AMH: variants seen among roughly 807,000 people sequenced by gnomAD.
AMH encodes anti-Muellerian hormone.
A neutral mutation model predicts 33.3 loss-of-function variants in AMH; 39 were observed. That is an observed-to-expected ratio of 1.17 (90% CI 0.91 to 1.53). The LOEUF is 1.53. AMH is among the 40% of genes most tolerant of loss of function. The pLI is 0.00. For synonymous variants in AMH, 536 were observed against 403.0 expected (o/e 1.33, Z -3.95); for missense variants, 1,019 against 799.8 (o/e 1.27, Z -3.30).
rs1224714214 is a variant in AMH at position 2,250,427 on chromosome 19, C to A, written c.503C>A (p.Pro168His). The A allele has an allele frequency of 7.0e-6, 11 of 1,560,344 alleles. No homozygotes were observed. The East Asian group carries it at 2.6e-4, about 37-fold the overall frequency. ...GAGCTGGCGCTGCTGGTGCTGTACC[C>A]TGGGCCTGGCCCTGAGGTCACTGTG... Reference protein sequence around the residue: ...PPELALLVLYPGPGPEVTVTR... With the variant: ...PPELALLVLYHGPGPEVTVTR... Residue 168 changes from proline to histidine, a missense_variant, in exon 2 of 5, where the codon CCT becomes CAT. Physicochemically the swap from Pro to His is moderately conservative, Grantham distance 77. Transcript: ENST00000221496.
In AMH at chr19:2,251,863, C is replaced by G. The variant is rs759315185; in HGVS notation, c.1589C>G (p.Ala530Gly). 3 of 1,590,436 alleles carry G rather than the reference C, an allele frequency of 1.9e-6. No homozygotes were observed. Among genetic ancestry groups the G allele is most frequent in the East Asian group, 4.5e-5 (2 of 44,140 alleles). ...LARPPCCVPT[A>G]YAGKLLISLS... Reference sequence around the variant, plus strand: ...CGCCCACCCTGCTGCGTGCCCACCGCCTACGCGGGCAAGCTGCTCATCAGC... The same window carrying G: ...CGCCCACCCTGCTGCGTGCCCACCGGCTACGCGGGCAAGCTGCTCATCAGC... Residue 530 changes from alanine (A) to glycine (G), a missense_variant, in exon 5 of 5, where the codon GCC becomes GGC. Physicochemically the swap from Ala to Gly is moderately conservative, Grantham distance 60 (BLOSUM62 0). Transcript: ENST00000221496.
At position 2,249,673 on chromosome 19, in the gene AMH, C is replaced by A; in HGVS notation, c.341C>A (p.Ser114Tyr). 1 of 1,505,682 alleles carries A rather than the reference C, an allele frequency of 6.6e-7. No homozygotes were observed. The highest frequency in any genetic ancestry group is 1.3e-5 in the South Asian group (1 of 74,794). The allele number at this position is 1,505,682 out of a possible 1,614,324, so 93.3% of individuals were successfully genotyped here. ...NTGDRQAALP[S>Y]LRRLGAWLRD... ...GGTGACAGGCAGGCTGCCTTGCCCT[C>A]TCTACGGCGGCTGGGGGCCTGGCTG... The change falls in exon 1 of 5, where the codon TCT (serine) becomes TAT (tyrosine). Residue 114 changes from serine (S) to tyrosine (Y), a missense_variant. Transcript: ENST00000221496.
chr19:2,250,260 G>T, intron 1 of AMH, 77 bp from the exon 2 acceptor site: 1 of 1,538,608 alleles, frequency 6.5e-7, no homozygotes, highest in East Asian at 2.4e-5. Context: ...TGGCCAGAGC[G>T]GCAGGGACAG....
In AMH at chr19:2,251,589, C is replaced by T. The variant is rs1422463631; in HGVS notation, c.1315C>T (p.Arg439Cys). ...GCTGCAGGGCCTGCGCGTGGAGTGGCGCGGGCGGGATCCGCGCGGGCCGGG... is the reference window on the plus strand; with the variant it reads ...GCTGCAGGGCCTGCGCGTGGAGTGGTGCGGGCGGGATCCGCGCGGGCCGGG... ...KALQGLRVEW[R>C]GRDPRGPGRA... Residue 439 changes from arginine to cysteine, a missense_variant, in exon 5 of 5, where the codon CGC (arginine) becomes TGC (cysteine). Physicochemically the swap from Arg to Cys is radical, Grantham distance 180. Transcript: ENST00000221496. The T allele has an allele frequency of 7.8e-7, 1 of 1,285,904 alleles. No individual in the cohort carries two copies. Among genetic ancestry groups the T allele is most frequent in the Non-Finnish European group, 9.8e-7 (1 of 1,020,624 alleles). The allele number at this position is 1,285,904 out of a possible 1,614,324, so 79.7% of individuals were successfully genotyped here.
Position 2,251,126 on chromosome 19 carries a change from A to C in AMH, c.852A>C (p.Pro284=). 6.5e-7 allele frequency: 1 copy of C among 1,540,384 alleles called. No homozygotes were observed. The highest frequency in any genetic ancestry group is 1.2e-5 in the South Asian group (1 of 83,994). The change falls in exon 5 of 5, where the codon CCA becomes CCC. Residue 284 remains proline, a synonymous_variant. Transcript: ENST00000221496. ...PRPSAELEES[P]PSADPFLETL... is the part of the protein sequence containing the mutation. ...CATCCGCGGAACTCGAGGAGTCGCC[A>C]CCCAGCGCAGACCCCTTCCTGGAGA...
In AMH at chr19:2,252,053, AAAGACCAGC is replaced by A. The variant is rs1399308042; in HGVS notation, c.*100_*108del. On this transcript the variant is annotated 3_prime_UTR_variant, in exon 5 of 5. Transcript: ENST00000221496. ...TTCGGACCCCAAGCATCGCCCCAATAAAGACCAGCAAGCAACCGGCTGGGGTGTCCGTGC... is the reference window on the plus strand; with the variant it reads ...TTCGGACCCCAAGCATCGCCCCAATAAAGCAACCGGCTGGGGTGTCCGTGC... The A allele has an allele frequency of 8.0e-6, 12 of 1,494,114 alleles. No individual in the cohort carries two copies. Among genetic ancestry groups the A allele is most frequent in the Non-Finnish European group, 9.8e-6 (11 of 1,116,876 alleles). 92.6% of individuals were successfully genotyped at this position (1,494,114 alleles called of 1,614,324 possible). A position where few individuals can be genotyped will look rare whatever the true frequency, so the allele number is the denominator to read the frequency against.
intron 3 of AMH, 31 bp from the exon 4 acceptor site, chr19:2,250,818 C>T (rs2025025185): frequency 1.9e-6 from 3 of 1,544,886 alleles, no homozygotes; most frequent in African/African-American, 2.7e-5. Context: ...GCCCCCAGCC[C>T]CTGAGCCAGC....
Position 2,251,672 on chromosome 19 carries a change from G to T in AMH, c.1398G>T (p.Glu466Asp). The T allele has an allele frequency of 6.2e-7, 1 of 1,609,490 alleles. No individual in the cohort carries two copies. The highest frequency in any genetic ancestry group is 8.5e-7 in the Non-Finnish European group (1 of 1,178,772). Residue 466 changes from glutamate (E) to aspartate (D), a missense_variant, in exon 5 of 5, where the codon GAG becomes GAT. Glu to Asp is a conservative substitution (Grantham distance 45, BLOSUM62 2). Coordinates refer to ENST00000221496, the MANE Select transcript of AMH (RefSeq NM_000479.5). ...CCGACGGGCCGTGCGCGCTGCGCGA[G>T]CTCAGCGTAGACCTCCGCGCCGAGC... ...TAADGPCALR[E>D]LSVDLRAERS...
In AMH at chr19:2,249,747, A is replaced by G. The variant is rs757518150; in HGVS notation, c.412+3A>G. 36 of 1,500,474 alleles carry G rather than the reference A, an allele frequency of 2.4e-5. No homozygotes were observed. The highest frequency in any genetic ancestry group is 3.1e-5 in the Non-Finnish European group (35 of 1,129,776). The allele number at this position is 1,500,474 out of a possible 1,614,324, so 92.9% of individuals were successfully genotyped here. On this transcript the variant is annotated splice_donor_region_variant and intron_variant, in intron 1 of 4. Coordinates refer to ENST00000221496, the MANE Select transcript of AMH (RefSeq NM_000479.5). ...GGTGGTCCTACACCTGGAGGAAGGT[A>G]TGTGGGGCCCAGCCCCAAGCTTGGC...
In AMH at chr19:2,250,444, G is replaced by A. The variant is rs975692513; in HGVS notation, c.520G>A (p.Val174Ile). ...GCTGTACCCTGGGCCTGGCCCTGAG[G>A]TCACTGTGACGAGGGCTGGGCTGCC... ...LVLYPGPGPE[V>I]TVTRAGLPGA... The change falls in exon 2 of 5, where the codon GTC (valine) becomes ATC (isoleucine). Residue 174 changes from valine (V) to isoleucine (I), a missense_variant. Physicochemically the swap from Val to Ile is conservative, Grantham distance 29 (BLOSUM62 3). Coordinates refer to ENST00000221496, the MANE Select transcript of AMH (RefSeq NM_000479.5). The A allele has an allele frequency of 9.7e-6, 15 of 1,554,062 alleles. No homozygotes were observed. Among genetic ancestry groups the A allele is most frequent in the African/African-American group, 2.7e-5 (2 of 73,560 alleles).
chr19:2,249,446 C>T lies in AMH; in HGVS notation c.114C>T (p.Ile38=), dbSNP rs748840055. 6 of 1,604,344 alleles carry T rather than the reference C, an allele frequency of 3.7e-6. No homozygotes were observed. The highest frequency in any genetic ancestry group is 5.1e-6 in the Non-Finnish European group (6 of 1,176,262). The stretch of plus-strand genomic sequence containing the variant: ...CAGCTGTGGGCACCAGTGGCCTCAT[C>T]TTCCGAGAAGACTTGGACTGGCCTC... ...EEPAVGTSGL[I]FREDLDWPPG... is the part of the protein sequence containing the mutation. Residue 38 remains isoleucine (I), a synonymous_variant, in exon 1 of 5, where the codon ATC becomes ATT. Coordinates refer to ENST00000221496, the MANE Select transcript of AMH (RefSeq NM_000479.5).
chr19:2,250,286 G>T (rs773995807), intron 1 of AMH, 51 bp from the exon 2 acceptor site: 3 of 1,556,600 alleles, frequency 1.9e-6, no homozygotes, highest in Non-Finnish European at 2.6e-6. Context: ...AAAGATTCCC[G>T]GGGGGTGTGG....
chr19:2,249,543 C>A lies in AMH; in HGVS notation c.211C>A (p.Arg71=). 5.6e-6 allele frequency: 9 copies of A among 1,594,312 alleles called. No homozygotes were observed. Among genetic ancestry groups the A allele is most frequent in the Non-Finnish European group, 7.7e-6 (9 of 1,172,592 alleles). ...GDSNGSSSPL[R]VVGALSAYEQ... is the part of the protein sequence containing the mutation. ...CAGCAATGGCAGCAGCTCCCCCCTGCGGGTGGTGGGGGCTCTAAGCGCCTA... is the reference window on the plus strand; with the variant it reads ...CAGCAATGGCAGCAGCTCCCCCCTGAGGGTGGTGGGGGCTCTAAGCGCCTA... Residue 71 remains arginine, a synonymous_variant, in exon 1 of 5, where the codon CGG becomes AGG. Coordinates refer to ENST00000221496, the MANE Select transcript of AMH (RefSeq NM_000479.5).
In AMH at chr19:2,251,114, C is replaced by T; in HGVS notation, c.840C>T (p.Leu280=). 7.1e-6 allele frequency: 11 copies of T among 1,542,508 alleles called. No homozygotes were observed. Among genetic ancestry groups the T allele is most frequent in the Non-Finnish European group, 9.6e-6 (11 of 1,151,384 alleles). The change falls in exon 5 of 5, where the codon CTC becomes CTT. Residue 280 remains leucine, a synonymous_variant. Transcript: ENST00000221496. ...CGGGTTCCAGGCCATCCGCGGAACT[C>T]GAGGAGTCGCCACCCAGCGCAGACC... The part of the protein sequence containing the change: ...PFPPPRPSAE[L]EESPPSADPF...
In AMH at chr19:2,251,682, G is replaced by C. The variant is rs375027801; in HGVS notation, c.1408G>C (p.Asp470His). The C allele has an allele frequency of 7.4e-6, 12 of 1,610,964 alleles. No individual in the cohort carries two copies. Among genetic ancestry groups the C allele is most frequent in the East Asian group, 4.5e-5 (2 of 44,850 alleles). Residue 470 changes from aspartate to histidine, a missense_variant, in exon 5 of 5, where the codon GAC becomes CAC. By Grantham distance (81) the Asp-to-His change is moderately conservative. Coordinates refer to ENST00000221496, the MANE Select transcript of AMH (RefSeq NM_000479.5). ...GTGCGCGCTGCGCGAGCTCAGCGTA[G>C]ACCTCCGCGCCGAGCGCTCCGTACT... ...GPCALRELSVDLRAERSVLIP... is the reference protein window; with the variant it reads ...GPCALRELSVHLRAERSVLIP...
chr19:2,249,975 T>A, intron 1 of AMH: 1 of 628,936 alleles, frequency 1.6e-6, no homozygotes, highest in Non-Finnish European at 2.7e-6. Context: ...GGGAGAGAGC[T>A]GCTGCCTTCT....
rs571174565 is a variant in AMH at position 2,249,647 on chromosome 19, C to T, written c.315C>T (p.Thr105=). Residue 105 remains threonine, a synonymous_variant, in exon 1 of 5, where the codon ACC becomes ACT. Coordinates refer to ENST00000221496, the MANE Select transcript of AMH (RefSeq NM_000479.5). The part of the protein sequence containing the change: ...RDLATFGVCN[T]GDRQAALPSL... ...TGGCCACCTTCGGGGTCTGCAACAC[C>T]GGTGACAGGCAGGCTGCCTTGCCCT... 8.6e-5 allele frequency: 131 copies of T among 1,515,652 alleles called. No individual in the cohort carries two copies. The highest frequency in any genetic ancestry group is 2.0e-4 in the South Asian group (16 of 78,306). 93.9% of individuals were successfully genotyped at this position (1,515,652 alleles called of 1,614,324 possible).
In AMH at chr19:2,250,648, G is replaced by A. The variant is rs774252047; in HGVS notation, c.556-4G>A. 5.2e-6 allele frequency: 8 copies of A among 1,538,668 alleles called. No homozygotes were observed. The highest frequency in any genetic ancestry group is 3.9e-5 in the Admixed American group (2 of 51,018). ...CCAGCCGGGCTGAGCCCTGGTCTCC[G>A]CAGAGCCTCTGCCCCTCCCGAGACA... On this transcript the variant is annotated splice_polypyrimidine_tract_variant and splice_region_variant and intron_variant, in intron 2 of 4. Coordinates refer to ENST00000221496, the MANE Select transcript of AMH (RefSeq NM_000479.5).
At chr19:2,250,619 C>T (rs2025017447) in intron 2 of AMH, 33 bp from the exon 3 acceptor site, 3 of 1,535,756 alleles carry the variant, frequency 2.0e-6, no homozygotes, top group Non-Finnish European at 2.6e-6. Context: ...GGGTAAGCCT[C>T]CATCCAGCCG....
Sources: allele counts gnomAD v4.1 joint callset, GRCh38; gene constraint gnomAD v4.1.1; transcripts MANE v1.5; gene names NCBI Gene and HGNC (gene_info 2026-07-23, HGNC 2026-07-21).